The following PTPRD variants were observed in gnomAD, a reference collection of about 807,000 sequenced individuals.
PTPRD encodes the protein receptor-type tyrosine-protein phosphatase delta.
PTPRD carries 34 observed loss-of-function variants against 214.5 expected under a neutral mutation model. That is an observed-to-expected ratio of 0.16 (90% CI 0.12 to 0.21). The LOEUF (loss-of-function observed/expected upper bound fraction) is 0.21. Among genes scored for constraint, PTPRD ranks in the 10% least tolerant of loss-of-function variants. The probability of loss-of-function intolerance (pLI) is 1.00; values close to 1 mark genes in which losing one functional copy is unlikely to be tolerated. For missense variants in PTPRD, 2,545 were observed against 2,398.7 expected (o/e 1.06, Z -1.27); for synonymous variants, 1,128 against 845.7 (o/e 1.33, Z -5.79).
At chr9:10,080,426 A>G (rs2098217362) in intron 3 of PTPRD, among the ~76,000 whole-genome samples, 1 of 152,134 alleles carries the variant, frequency 6.6e-6, no homozygotes, top group African/African-American at 2.4e-5. Context: ...TCATTGCTAC[A>G]CTGTAATCCA....
chr9:9,275,332 T>C (rs903422731), intron 9 of PTPRD, among the ~76,000 whole-genome samples: 2 of 146,782 alleles, frequency 1.4e-5, no homozygotes, highest in South Asian at 4.2e-4. Context: ...TTGAAAGTTA[T>C]TCTCAGAAAA....
intron 11 of PTPRD, among the ~76,000 whole-genome samples, chr9:8,957,980 G>A (rs2099140140): frequency 6.8e-6 from 1 of 147,204 alleles, no homozygotes; most frequent in Non-Finnish European, 1.5e-5. Flanking sequence ...TCACAAAGAA[G>A]TGATGAAAAG....
At chr9:8,812,733 G>A (rs2096836236) in intron 11 of PTPRD, among the ~76,000 whole-genome samples, 1 of 151,834 alleles carries the variant, frequency 6.6e-6, no homozygotes, top group Non-Finnish European at 1.5e-5. Flanking sequence ...AGGACTCGGT[G>A]GGGCTTGAAG....
chr9:9,501,318 T>G (rs539782562), intron 8 of PTPRD, among the ~76,000 whole-genome samples: 2 of 152,034 alleles, frequency 1.3e-5, no homozygotes, highest in South Asian at 4.1e-4. Flanking sequence ...ATATTTGTCA[T>G]GCAAATAGTA....
chr9:9,071,067 C>T (rs1377931879), intron 10 of PTPRD, among the ~76,000 whole-genome samples: 1 of 152,162 alleles, frequency 6.6e-6, no homozygotes, highest in African/African-American at 2.4e-5. Context: ...GCATGCACCA[C>T]CATACCCAGC....
rs72694788 is a variant in PTPRD at position 8,530,683 on chromosome 9, A to G, written c.353-1904T>C. ...ATATATATCAGTGACTGTTTAAAAA[A>G]TATATATATCCTACTATGCAGAACT... On this transcript the variant is annotated intron_variant, in intron 14 of 45. Transcript: ENST00000381196. Among the ~76,000 whole-genome samples the G allele has an allele frequency of 5.6e-3, 857 of 152,208 alleles. 5 individuals carry two copies. Among genetic ancestry groups the G allele is most frequent in the Middle Eastern group, 0.02 (6 of 294 alleles).
chr9:10,475,883 T>A (rs1413232778), intron 2 of PTPRD, among the ~76,000 whole-genome samples: 1 of 151,314 alleles, frequency 6.6e-6, no homozygotes, highest in Non-Finnish European at 1.5e-5. Flanking sequence ...AAAAAAAACA[T>A]ATGATTATCT....
intron 11 of PTPRD, among the ~76,000 whole-genome samples, chr9:8,974,702 G>C (rs1256976993): frequency 1.3e-5 from 2 of 151,806 alleles, no homozygotes; most frequent in Non-Finnish European, 2.9e-5. Flanking sequence ...ACCGACTTTA[G>C]AATCACATTA....
chr9:10,361,181 A>C (rs1198317894), intron 2 of PTPRD, among the ~76,000 whole-genome samples: 1 of 152,170 alleles, frequency 6.6e-6, no homozygotes, highest in Non-Finnish European at 1.5e-5. Context: ...GAAGATTGGC[A>C]TTGTTTGACA....
chr9:9,324,052 T>G (rs918707941), intron 9 of PTPRD, among the ~76,000 whole-genome samples: 2 of 152,138 alleles, frequency 1.3e-5, no homozygotes, highest in East Asian at 3.9e-4. Flanking sequence ...GTATTCCATG[T>G]AGTATATGTG....
At chr9:8,803,090 T>A (rs888419401) in intron 11 of PTPRD, among the ~76,000 whole-genome samples, 3 of 152,026 alleles carry the variant, frequency 2.0e-5, no homozygotes, top group Non-Finnish European at 4.4e-5. Flanking sequence ...AAAATGGACA[T>A]AATAATTATA....
At chr9:9,235,300 T>C (rs1309893433) in intron 9 of PTPRD, among the ~76,000 whole-genome samples, 3 of 152,166 alleles carry the variant, frequency 2.0e-5, no homozygotes, top group African/African-American at 4.8e-5. Context: ...ATGTGGATTA[T>C]GGGAACTACG....
intron 10 of PTPRD, among the ~76,000 whole-genome samples, chr9:9,153,997 A>G (rs187762446): frequency 3.9e-5 from 6 of 152,290 alleles, no homozygotes; most frequent in African/African-American, 1.4e-4. Context: ...GACATTGAAG[A>G]TAGCATCACG....
intron 6 of PTPRD, among the ~76,000 whole-genome samples, chr9:9,765,909 G>A (rs1204024675): frequency 1.3e-5 from 2 of 152,080 alleles, no homozygotes; most frequent in African/African-American, 4.8e-5. Context: ...TGATCCGCCC[G>A]CCTCAGCCTC....
At chr9:10,286,194 C>A (rs2095347216) in intron 3 of PTPRD, among the ~76,000 whole-genome samples, 1 of 152,054 alleles carries the variant, frequency 6.6e-6, no homozygotes, top group South Asian at 2.1e-4. Flanking sequence ...GCTATTAAAG[C>A]ACAAAGACAA....
intron 7 of PTPRD, among the ~76,000 whole-genome samples, chr9:9,697,120 A>G (rs1435053133): frequency 2.0e-5 from 3 of 152,062 alleles, no homozygotes; most frequent in African/African-American, 7.2e-5. Context: ...CTCAATTTAC[A>G]TATTTTTATA....
intron 3 of PTPRD, among the ~76,000 whole-genome samples, chr9:10,169,581 A>C (rs894833369): frequency 6.6e-6 from 1 of 152,066 alleles, no homozygotes; most frequent in African/African-American, 2.4e-5. Context: ...TGAAAAAATT[A>C]TAAAATAGGT....
intron 4 of PTPRD, among the ~76,000 whole-genome samples, chr9:9,965,464 AG>A (rs1566789785): frequency 6.6e-6 from 1 of 152,184 alleles, no homozygotes. Context: ...TGTCGGGGAC[AG>A]GAGATAATGT....
intron 14 of PTPRD, among the ~76,000 whole-genome samples, chr9:8,608,262 G>A (rs1462391855): frequency 1.3e-5 from 2 of 151,994 alleles, no homozygotes; most frequent in Non-Finnish European, 2.9e-5. Context: ...TTCATGACTT[G>A]GATGATCCAG....
Sources: gnomAD v4.1 joint callset for allele counts (sites outside exome capture counted in the v4.1 genomes callset) on GRCh38, gnomAD v4.1.1 for gene constraint, MANE v1.5 for transcripts, NCBI Gene and HGNC (gene_info 2026-07-23, HGNC 2026-07-21) for gene names.